FILIP1: variants seen among roughly 807,000 people sequenced by gnomAD.
FILIP1 encodes the protein filamin-A-interacting protein 1.
In FILIP1, 61 loss-of-function variants were observed where a neutral mutation model predicts 102.1. The observed-to-expected ratio is 0.60, with a 90% CI of 0.49 to 0.74. FILIP1 has a LOEUF of 0.74. Ranked by LOEUF, FILIP1 falls within the 30% of genes least tolerant of loss-of-function variation. The pLI, the probability that FILIP1 is intolerant of heterozygous loss-of-function variation, is 0.00. For missense variants in FILIP1, 1,314 were observed against 1,441.2 expected (o/e 0.91, Z 1.43); for synonymous variants, 491 against 526.9 (o/e 0.93, Z 0.93).
At chr6:75,471,832 A>G (rs1779341261) in intron 1 of FILIP1, among the ~76,000 whole-genome samples, 1 of 152,146 alleles carries the variant, frequency 6.6e-6, no homozygotes, top group South Asian at 2.1e-4. Flanking sequence ...TTATGCTAAA[A>G]TACATACATA....
chr6:75,461,920 A>C (rs1305414609), intron 1 of FILIP1, among the ~76,000 whole-genome samples: 1 of 152,184 alleles, frequency 6.6e-6, no homozygotes, highest in East Asian at 1.9e-4. Context: ...TGCCTACACA[A>C]CTTTCAAGCA....
At chr6:75,371,029 C>T (rs758741917) in intron 2 of FILIP1, among the ~76,000 whole-genome samples, 1 of 152,002 alleles carries the variant, frequency 6.6e-6, no homozygotes, top group Non-Finnish European at 1.5e-5. Context: ...TGGATAAATA[C>T]TAATATTATA....
At chr6:75,408,376 T>C (rs1456936783) in intron 2 of FILIP1, among the ~76,000 whole-genome samples, 1 of 152,230 alleles carries the variant, frequency 6.6e-6, no homozygotes, top group African/African-American at 2.4e-5. Context: ...CTCTAGTAGA[T>C]GCAACTCCAT....
chr6:75,439,779 A>G (rs191676401), intron 1 of FILIP1, among the ~76,000 whole-genome samples: 1 of 152,230 alleles, frequency 6.6e-6, no homozygotes, highest in Non-Finnish European at 1.5e-5. Flanking sequence ...AAGACCACAA[A>G]CTTAAACTAG....
intron 2 of FILIP1, among the ~76,000 whole-genome samples, chr6:75,412,451 A>G (rs1472694037): frequency 1.3e-5 from 2 of 152,128 alleles, no homozygotes; most frequent in African/African-American, 2.4e-5. Flanking sequence ...TTCCAATACT[A>G]TCTTGAATAG....
intron 1 of FILIP1, among the ~76,000 whole-genome samples, chr6:75,484,914 T>C (rs889800058): frequency 1.3e-5 from 2 of 152,182 alleles, no homozygotes; most frequent in African/African-American, 4.8e-5. Flanking sequence ...ATCTTAAAAA[T>C]TAGCTAAAGA....
At chr6:75,415,875 C>T (rs1352420632) in intron 1 of FILIP1, among the ~76,000 whole-genome samples, 2 of 152,144 alleles carry the variant, frequency 1.3e-5, no homozygotes, top group African/African-American at 2.4e-5. Context: ...CTCTGTCAGT[C>T]TCTGAGCAAA....
Position 75,449,970 on chromosome 6 carries a change from G to A in FILIP1, c.-6-34992C>T, listed in dbSNP as rs1011431143. 1.2e-4 allele frequency among the ~76,000 whole-genome samples: 19 copies of A among 152,084 alleles called. 1 individual carries two copies. The highest frequency in any genetic ancestry group is 4.1e-4 in the African/African-American group (17 of 41,420). ...TTTTTTAGAGACAGGGTCTCACTCT[G>A]TCACCCAGACTGGAGTGCGGTGGTG... On this transcript the variant is annotated intron_variant, in intron 1 of 5. Coordinates refer to ENST00000237172, the MANE Select transcript of FILIP1 (RefSeq NM_015687.5).
At chr6:75,319,728 G>C in intron 4 of FILIP1, 1 of 324,254 alleles carries the variant, frequency 3.1e-6, no homozygotes, top group South Asian at 3.3e-5. Context: ...TACTGCGGAG[G>C]CTGAGGCAGG....
At position 75,479,868 on chromosome 6, in the gene FILIP1, C is replaced by CAAAA. The variant is rs58566488; in HGVS notation, c.-7+13542_-7+13545dup. Among the ~76,000 whole-genome samples, 166 of 42,852 alleles carry CAAAA rather than the reference C, an allele frequency of 3.9e-3. 37 individuals are homozygous for CAAAA. The highest frequency in any genetic ancestry group is 0.014 in the East Asian group (25 of 1,814). The allele number at this position is 42,852 out of a possible 152,430, so 28.1% of individuals were successfully genotyped here. A position where few individuals can be genotyped will look rare whatever the true frequency, so the allele number is the denominator to read the frequency against. Reference sequence around the variant, plus strand: ...TGGGCCACAGAGTAAAGCTGTATCTCAAAAAAAAAAAAAAAAAAAAAAAAA... The same window carrying CAAAA: ...TGGGCCACAGAGTAAAGCTGTATCTCAAAAAAAAAAAAAAAAAAAAAAAAAAAAA... On this transcript the variant is annotated intron_variant, in intron 1 of 5. Transcript: ENST00000237172.
At chr6:75,360,503 C>A (rs72883866) in intron 3 of FILIP1, among the ~76,000 whole-genome samples, 12,435 of 152,086 alleles carry the variant, frequency 0.082, 663 homozygotes, top group South Asian at 0.15. Flanking sequence ...CAATTGAGAT[C>A]CCACTGGCTT....
intron 1 of FILIP1, among the ~76,000 whole-genome samples, chr6:75,478,912 G>C (rs1779564860): frequency 6.6e-6 from 1 of 152,100 alleles, no homozygotes; most frequent in African/African-American, 2.4e-5. Flanking sequence ...GAGTTGTTTG[G>C]TGCAGTGCCC....
At position 75,313,389 on chromosome 6, in the gene FILIP1, C is replaced by T. The variant is rs746495331; in HGVS notation, c.2443G>A (p.Ala815Thr). 3.7e-6 allele frequency: 6 copies of T among 1,614,188 alleles called. No homozygotes were observed. The highest frequency in any genetic ancestry group is 4.2e-6 in the Non-Finnish European group (5 of 1,180,028). ...AATACAGCTGGCGTTTCTTCCTCTG[C>T]TGCTTCACCGCTGACTGCATCAGTT... ...VQTDAVSGEA[A>T]EEETPAVFIR... Residue 815 changes from alanine to threonine, a missense_variant, in exon 5 of 6, where the codon GCA (alanine) becomes ACA (threonine). Ala to Thr is a moderately conservative substitution (Grantham distance 58, BLOSUM62 0). Coordinates refer to ENST00000237172, the MANE Select transcript of FILIP1 (RefSeq NM_015687.5). The surrounding 1 kb of genome is among the most constrained non-coding windows in gnomAD (Gnocchi z 4.2).
At position 75,364,392 on chromosome 6, in the gene FILIP1, C is replaced by T. The variant is rs369005210; in HGVS notation, c.277-1475G>A. Among the ~76,000 whole-genome samples, 10 of 152,278 alleles carry T rather than the reference C, an allele frequency of 6.6e-5. No individual in the cohort carries two copies. In the East Asian group the frequency reaches 9.7e-4, roughly 15 times the overall value. On this transcript the variant is annotated intron_variant, in intron 2 of 5. Transcript: ENST00000237172. ...CAGCCCTGAGTCAGAGCACAGCTTA[C>T]GTAGTGAGTGAAGAGCAGGCTGTAT...
chr6:75,354,001 T>G (rs1306565607), intron 3 of FILIP1, among the ~76,000 whole-genome samples: 1 of 152,184 alleles, frequency 6.6e-6, no homozygotes, highest in Admixed American at 6.5e-5. Context: ...ATACCATAAT[T>G]TTATCCATTC....
intron 1 of FILIP1, among the ~76,000 whole-genome samples, chr6:75,431,361 T>C (rs763979254): frequency 8.5e-5 from 13 of 152,218 alleles, no homozygotes; most frequent in Non-Finnish European, 1.6e-4. Flanking sequence ...TCTTCTTATT[T>C]TGTTGACACT....
chr6:75,419,993 A>G (rs371547948), intron 1 of FILIP1, among the ~76,000 whole-genome samples: 3 of 152,290 alleles, frequency 2.0e-5, no homozygotes, highest in East Asian at 3.9e-4. Context: ...CATTTATTAA[A>G]TCCTAAAAAA....
At chr6:75,417,682 T>A (rs1169642113) in intron 1 of FILIP1, among the ~76,000 whole-genome samples, 2 of 152,216 alleles carry the variant, frequency 1.3e-5, no homozygotes, top group African/African-American at 4.8e-5. Flanking sequence ...AAGTAGGTGC[T>A]ATTTCTCTCA....
In FILIP1 at chr6:75,337,101, T is replaced by C. The variant is rs182092719; in HGVS notation, c.629+16438A>G. Among the ~76,000 whole-genome samples the C allele has an allele frequency of 6.7e-3, 1,020 of 152,274 alleles. 14 individuals carry two copies. Among genetic ancestry groups the C allele is most frequent in the African/African-American group, 0.023 (957 of 41,552 alleles). Reference sequence around the variant, plus strand: ...AGACACTGGTGCCTAATTTTTTTTTTCTATGAATCATATACAACCTTTCTT... The same window carrying C: ...AGACACTGGTGCCTAATTTTTTTTTCCTATGAATCATATACAACCTTTCTT... On this transcript the variant is annotated intron_variant, in intron 4 of 5. Coordinates refer to ENST00000237172, the MANE Select transcript of FILIP1 (RefSeq NM_015687.5).
Sources: gnomAD v4.1 joint callset for allele counts (sites outside exome capture counted in the v4.1 genomes callset) on GRCh38, gnomAD v4.1.1 for gene constraint, Gnocchi (gnomAD v3.1) non-coding constraint, MANE v1.5 for transcripts, NCBI Gene and HGNC (gene_info 2026-07-23, HGNC 2026-07-21) for gene names.